Variants in SLIT2 observed in about 807,000 individuals in gnomAD.
SLIT2 encodes slit homolog 2 protein.
Under a neutral mutation model 185.7 loss-of-function variants are expected in SLIT2, and 41 were observed. The observed-to-expected ratio is 0.22, with a 90% CI of 0.17 to 0.29. SLIT2 has a LOEUF of 0.29. Among genes scored for constraint, SLIT2 ranks in the 10% least tolerant of loss-of-function variants. SLIT2 has a pLI of 1.00. For missense variants in SLIT2, 1,571 were observed against 1,909.0 expected (o/e 0.82, Z 3.30); for synonymous variants, 693 against 680.2 (o/e 1.02, Z -0.29).
chr4:20,440,220 T>C (rs1227674435), intron 4 of SLIT2, among the ~76,000 whole-genome samples: 1 of 152,192 alleles, frequency 6.6e-6, no homozygotes, highest in Non-Finnish European at 1.5e-5. Flanking sequence ...AAAAAAATTG[T>C]TGGTACTACA....
At chr4:20,486,380 G>A (rs774087705) in intron 7 of SLIT2, 109 bp downstream of exon 7, 7 of 649,502 alleles carry the variant, frequency 1.1e-5, no homozygotes, top group South Asian at 6.1e-5. Flanking sequence ...AGGTAGACAA[G>A]GAAAACCCAA....
intron 4 of SLIT2, among the ~76,000 whole-genome samples, chr4:20,343,110 G>A (rs1577467554): frequency 6.6e-6 from 1 of 152,094 alleles, no homozygotes; most frequent in African/African-American, 2.4e-5. Flanking sequence ...ACAGTACACT[G>A]TTGTTAGCTA....
chr4:20,455,632 C>G (rs1712986470), intron 4 of SLIT2, among the ~76,000 whole-genome samples: 1 of 151,986 alleles, frequency 6.6e-6, no homozygotes, highest in South Asian at 2.1e-4. Flanking sequence ...CAGATACATG[C>G]TACAACCTGG....
At chr4:20,341,785 A>C (rs1720983664) in intron 4 of SLIT2, among the ~76,000 whole-genome samples, 1 of 152,228 alleles carries the variant, frequency 6.6e-6, no homozygotes, top group South Asian at 2.1e-4. Flanking sequence ...CACACTTAAT[A>C]CTAGAAATAA....
At chr4:20,388,100 A>C (rs1040708726) in intron 4 of SLIT2, among the ~76,000 whole-genome samples, 1 of 152,198 alleles carries the variant, frequency 6.6e-6, no homozygotes, top group Non-Finnish European at 1.5e-5. Flanking sequence ...TGATAATATG[A>C]CATCTATGAA....
chr4:20,445,983 C>T (rs1161706564), intron 4 of SLIT2, among the ~76,000 whole-genome samples: 1 of 152,146 alleles, frequency 6.6e-6, no homozygotes, highest in Non-Finnish European at 1.5e-5. Flanking sequence ...ATCATTCCTA[C>T]CAAAGCACTG....
intron 4 of SLIT2, among the ~76,000 whole-genome samples, chr4:20,359,731 T>C (rs908619610): frequency 4.6e-5 from 7 of 152,092 alleles, no homozygotes; most frequent in South Asian, 2.1e-4. Flanking sequence ...CATTAAGCTT[T>C]TTTGTTTTTG....
In SLIT2 at chr4:20,590,495, G is replaced by C. The variant is rs541960869; in HGVS notation, c.3182+758G>C. 3.3e-5 allele frequency among the ~76,000 whole-genome samples: 5 copies of C among 152,264 alleles called. No individual in the cohort carries two copies. The South Asian group carries it at 8.3e-4, about 25-fold the overall frequency. On this transcript the variant is annotated intron_variant, in intron 30 of 36. Coordinates refer to ENST00000504154, the MANE Select transcript of SLIT2 (RefSeq NM_004787.4). Reference sequence around the variant, plus strand: ...AAGATAGAGTGACCATATATCTCAGGCTGCCCCAGGGAGTCCCAGGCTATG... The same window carrying C: ...AAGATAGAGTGACCATATATCTCAGCCTGCCCCAGGGAGTCCCAGGCTATG...
rs1711593862 is a variant in SLIT2, at chr4:20,254,796, C to T, written c.179+802C>T. The T allele has an allele frequency of 5.0e-6, 2 of 401,854 alleles. No individual in the cohort carries two copies. Among genetic ancestry groups the T allele is most frequent in the Non-Finnish European group, 1.0e-5 (2 of 200,242 alleles). The allele number at this position is 401,854 out of a possible 1,614,324, so 24.9% of individuals were successfully genotyped here. The stretch of plus-strand genomic sequence containing the variant: ...TGCCCGGCTGCCCCCTCCGGCCCTT[C>T]CTGCTGAACCCCTGCGTCCCCATCC... On this transcript the variant is annotated intron_variant, in intron 1 of 36. Transcript: ENST00000504154. This position sits in a 1 kb window ranked among gnomAD's most constrained non-coding sequence, Gnocchi z 5.1.
intron 4 of SLIT2, among the ~76,000 whole-genome samples, chr4:20,383,163 T>C (rs1724663886): frequency 6.6e-6 from 1 of 152,162 alleles, no homozygotes; most frequent in Non-Finnish European, 1.5e-5. Flanking sequence ...CCTTGCAACT[T>C]CTAGTAGAAA....
chr4:20,575,904 A>G (rs910515989), intron 29 of SLIT2, among the ~76,000 whole-genome samples: 6 of 151,474 alleles, frequency 4.0e-5, no homozygotes, highest in African/African-American at 1.5e-4. Context: ...TGTGTAGGTA[A>G]GGGGAAAAGT....
intron 5 of SLIT2, among the ~76,000 whole-genome samples, chr4:20,472,392 A>ATCTATATCTATATATATAGATT (rs1560453801): frequency 1.4e-5 from 1 of 72,096 alleles, no homozygotes; most frequent in Non-Finnish European, 2.4e-5. Flanking sequence ...ATATGTAGAT[A>ATCTATATCTATATATATAGATT]TATAGATATA....
intron 33 of SLIT2, among the ~76,000 whole-genome samples, chr4:20,600,024 CTTATT>C (rs1728287363): frequency 6.6e-6 from 1 of 152,118 alleles, no homozygotes. Flanking sequence ...GAATACAATA[CTTATT>C]TTATCTCCAA....
At position 20,387,054 on chromosome 4, in the gene SLIT2, C is replaced by T. The variant is rs374677812; in HGVS notation, c.396-80698C>T. ...ATTTCCAGCTTTCTGTCTTACAGGA[C>T]GGAATTACCTGACCGCCTTCTGGTA... On this transcript the variant is annotated intron_variant, in intron 4 of 36. Coordinates refer to ENST00000504154, the MANE Select transcript of SLIT2 (RefSeq NM_004787.4). Among the ~76,000 whole-genome samples the T allele has an allele frequency of 1.8e-4, 28 of 152,238 alleles. No homozygotes were observed. The East Asian group carries it at 4.6e-3, about 25-fold the overall frequency.
intron 8 of SLIT2, chr4:20,490,726 A>G: frequency 9.5e-7 from 1 of 1,047,770 alleles, no homozygotes; most frequent in Non-Finnish European, 1.4e-6. Flanking sequence ...TTTTTTAAAA[A>G]ATTAAATAAT....
At chr4:20,256,234 A>G (rs1711809528) in intron 1 of SLIT2, among the ~76,000 whole-genome samples, 1 of 151,938 alleles carries the variant, frequency 6.6e-6, no homozygotes, top group Non-Finnish European at 1.5e-5. Flanking sequence ...ACCTAAGGAC[A>G]GTGTTCTGAA....
intron 12 of SLIT2, 45 bp from the exon 13 acceptor site, chr4:20,523,715 T>G: frequency 6.4e-7 from 1 of 1,570,180 alleles, no homozygotes; most frequent in South Asian, 1.1e-5. Context: ...GCAGGTGAGT[T>G]AATAAGATGC....
chr4:20,488,329 A>G (rs1717449114), intron 7 of SLIT2, among the ~76,000 whole-genome samples: 1 of 152,198 alleles, frequency 6.6e-6, no homozygotes, highest in Non-Finnish European at 1.5e-5. Context: ...TTGAATTATT[A>G]TTCTGTCTTG....
At chr4:20,571,389 A>G (rs951221554) in intron 29 of SLIT2, among the ~76,000 whole-genome samples, 1 of 152,176 alleles carries the variant, frequency 6.6e-6, no homozygotes, top group African/African-American at 2.4e-5. Flanking sequence ...GAGTTTGACA[A>G]TTTGGCATGA....
Sources: allele counts gnomAD v4.1 joint callset (sites outside exome capture counted in the v4.1 genomes callset), GRCh38; gene constraint gnomAD v4.1.1; non-coding constraint Gnocchi (gnomAD v3.1); transcripts MANE v1.5; gene names NCBI Gene and HGNC (gene_info 2026-07-23, HGNC 2026-07-21).